Variants in ERBB4 observed in about 807,000 individuals in gnomAD.
The protein encoded by ERBB4 is receptor tyrosine-protein kinase erbB-4.
ERBB4 carries 42 observed loss-of-function variants against 158.0 expected under a neutral mutation model. The ratio of observed to expected loss-of-function variants is 0.27; its 90% CI spans 0.21 to 0.34. ERBB4 has a LOEUF of 0.34. ERBB4 is among the 10% of genes least tolerant of loss of function. The pLI, the probability that ERBB4 is intolerant of heterozygous loss-of-function variation, is 1.00. For synonymous variants in ERBB4, 583 were observed against 558.7 expected (o/e 1.04, Z -0.61); for missense variants, 1,333 against 1,624.1 (o/e 0.82, Z 3.08).
At chr2:211,542,495 T>A (rs1236212047) in intron 20 of ERBB4, among the ~76,000 whole-genome samples, 2 of 151,982 alleles carry the variant, frequency 1.3e-5, no homozygotes, top group African/African-American at 4.8e-5. Context: ...CTCTTTTCTA[T>A]GGCTCTGTCA....
At chr2:212,504,426 A>G (rs1353846595) in intron 1 of ERBB4, among the ~76,000 whole-genome samples, 1 of 152,106 alleles carries the variant, frequency 6.6e-6, no homozygotes, top group African/African-American at 2.4e-5. Flanking sequence ...ACTTAAATAT[A>G]TATGTCTTAA....
At chr2:212,304,114 A>C (rs1286207922) in intron 1 of ERBB4, among the ~76,000 whole-genome samples, 1 of 151,474 alleles carries the variant, frequency 6.6e-6, no homozygotes, top group Non-Finnish European at 1.5e-5. Flanking sequence ...GGAGAATGTG[A>C]CTTGGTCAAA....
intron 1 of ERBB4, among the ~76,000 whole-genome samples, chr2:212,130,252 C>A (rs945456739): frequency 1.3e-5 from 2 of 152,062 alleles, no homozygotes; most frequent in Non-Finnish European, 2.9e-5. Flanking sequence ...TACATGTGAT[C>A]CCTAAAGTTT....
intron 3 of ERBB4, among the ~76,000 whole-genome samples, chr2:211,840,505 T>C (rs77235341): frequency 1.3e-5 from 2 of 152,106 alleles, no homozygotes; most frequent in East Asian, 1.9e-4. Flanking sequence ...GCTTAAGGAG[T>C]TGATAGATTT....
intron 20 of ERBB4, among the ~76,000 whole-genome samples, chr2:211,449,796 T>A (rs188644517): frequency 6.6e-6 from 1 of 152,276 alleles, no homozygotes; most frequent in East Asian, 1.9e-4. Flanking sequence ...CCATGTAAGT[T>A]ACAGGCCTGG....
At position 211,709,280 on chromosome 2, in the gene ERBB4, CAT is replaced by C. The variant is rs1300215743; in HGVS notation, c.1124+2768_1124+2769del. On this transcript the variant is annotated intron_variant, in intron 9 of 27. Transcript: ENST00000342788. ...ATATATATATATATATATATACATA[CAT>C]ATATATATACATATATATATATGAG... Among the ~76,000 whole-genome samples, 27 of 124,428 alleles carry C rather than the reference CAT, an allele frequency of 2.2e-4. No individual in the cohort carries two copies. In the East Asian group the frequency reaches 3.7e-3, roughly 17 times the overall value. The allele number at this position is 124,428 out of a possible 152,430, so 81.6% of individuals were successfully genotyped here. A position where few individuals can be genotyped will look rare whatever the true frequency, so the allele number is the denominator to read the frequency against.
chr2:212,353,660 A>G (rs905487131), intron 1 of ERBB4, among the ~76,000 whole-genome samples: 2 of 149,704 alleles, frequency 1.3e-5, no homozygotes, highest in Non-Finnish European at 3.0e-5. Context: ...AAAAAGAGGA[A>G]AGAAATCTAC....
At chr2:211,711,027 T>TA (rs34159396) in intron 9 of ERBB4, among the ~76,000 whole-genome samples, 22,728 of 139,722 alleles carry the variant, frequency 0.16, 1,886 homozygotes, top group African/African-American at 0.23. Flanking sequence ...AAAAGGCAAG[T>TA]AAAAAAAAAA....
intron 1 of ERBB4, among the ~76,000 whole-genome samples, chr2:212,209,951 T>C (rs977362944): frequency 2.0e-5 from 3 of 152,022 alleles, no homozygotes; most frequent in Admixed American, 6.6e-5. Flanking sequence ...ACCTGCATTG[T>C]TTTTCAGCTG....
Position 211,603,852 on chromosome 2 carries a change from A to G in ERBB4, c.2301+15325T>C, listed in dbSNP as rs527317285. On this transcript the variant is annotated intron_variant, in intron 19 of 27. Transcript: ENST00000342788. ...GCTGAGATACACGAGGTCTCTATAG[A>G]TGCTTACAGTGTTAAATTTCTAGTT... Among the ~76,000 whole-genome samples, 16 of 152,318 alleles carry G rather than the reference A, an allele frequency of 1.1e-4. No homozygotes were observed. In the South Asian group the frequency reaches 3.1e-3, roughly 30 times the overall value.
intron 1 of ERBB4, among the ~76,000 whole-genome samples, chr2:212,364,937 GTT>G (rs997300026): frequency 1.2e-4 from 17 of 145,624 alleles, no homozygotes; most frequent in Admixed American, 2.1e-4. Context: ...GTGTGTGTGT[GTT>G]TATCAGACTG....
chr2:212,467,670 C>T (rs1386568666), intron 1 of ERBB4, among the ~76,000 whole-genome samples: 1 of 152,204 alleles, frequency 6.6e-6, no homozygotes, highest in East Asian at 1.9e-4. Flanking sequence ...CATGGAGAAC[C>T]TCTGCTAGGG....
intron 2 of ERBB4, among the ~76,000 whole-genome samples, chr2:211,979,529 A>G (rs75926661): frequency 0.071 from 10,766 of 152,192 alleles, 728 homozygotes; most frequent in East Asian, 0.27. Flanking sequence ...CCTTAAACTT[A>G]ATTTTAAAGA....
intron 1 of ERBB4, among the ~76,000 whole-genome samples, chr2:212,511,189 T>C (rs1041782112): frequency 1.3e-5 from 2 of 152,206 alleles, no homozygotes; most frequent in African/African-American, 4.8e-5. Flanking sequence ...TGTAACTTTT[T>C]TGTCTTGTCT....
At chr2:211,694,807 A>G (rs2072954583) in intron 12 of ERBB4, among the ~76,000 whole-genome samples, 1 of 152,178 alleles carries the variant, frequency 6.6e-6, no homozygotes, top group Non-Finnish European at 1.5e-5. Flanking sequence ...GGTAGGCTGC[A>G]TTTTGTTTGT....
chr2:211,423,988 C>A (rs1295500824), intron 23 of ERBB4, among the ~76,000 whole-genome samples, 167 bp downstream of exon 23: 1 of 151,924 alleles, frequency 6.6e-6, no homozygotes, highest in Non-Finnish European at 1.5e-5. Flanking sequence ...AAGAGTATTA[C>A]TTTATATTAA....
intron 1 of ERBB4, among the ~76,000 whole-genome samples, chr2:212,257,079 A>G (rs2106071681): frequency 6.6e-6 from 1 of 152,186 alleles, no homozygotes; most frequent in South Asian, 2.1e-4. Flanking sequence ...AGCAGTCCCC[A>G]GTGTTTATTG....
At chr2:211,961,410 C>T (rs1191257988) in intron 2 of ERBB4, among the ~76,000 whole-genome samples, 4 of 152,126 alleles carry the variant, frequency 2.6e-5, no homozygotes, top group East Asian at 1.9e-4. Flanking sequence ...GATACAGTAT[C>T]GACCTGTTTG....
At chr2:211,545,323 G>A (rs986641114) in intron 20 of ERBB4, among the ~76,000 whole-genome samples, 1 of 151,968 alleles carries the variant, frequency 6.6e-6, no homozygotes, top group African/African-American at 2.4e-5. Flanking sequence ...ATTATGAATA[G>A]TAATGACATC....
Sources: allele counts gnomAD v4.1 joint callset (sites outside exome capture counted in the v4.1 genomes callset), GRCh38; gene constraint gnomAD v4.1.1; transcripts MANE v1.5; gene names NCBI Gene and HGNC (gene_info 2026-07-23, HGNC 2026-07-21).